TANC2: variants seen among roughly 807,000 people sequenced by gnomAD.
TANC2 encodes tetratricopeptide repeat, ankyrin repeat and coiled-coil containing 2.
TANC2 carries 26 observed loss-of-function variants against 210.5 expected under a neutral mutation model. The observed-to-expected ratio is 0.12, with a 90% confidence interval of 0.09 to 0.17. The LOEUF is 0.17. TANC2 is among the 10% of genes least tolerant of loss of function. TANC2 has a pLI of 1.00. For missense variants in TANC2, 2,129 were observed against 2,608.9 expected, an observed-to-expected ratio of 0.82 and a Z score of 4.01; for synonymous variants, 931 against 967.1, an observed-to-expected ratio of 0.96 and a Z score of 0.69.
chr17:63,032,868 C>T (rs993773100), intron 2 of TANC2, among the ~76,000 whole-genome samples: 2 of 152,226 alleles, frequency 1.3e-5, no homozygotes, highest in South Asian at 2.1e-4. Flanking sequence ...TCCCACAAGA[C>T]GCCCCCCACT....
At chr17:63,130,308 C>A (rs1007036207) in intron 4 of TANC2, among the ~76,000 whole-genome samples, 1 of 151,910 alleles carries the variant, frequency 6.6e-6, no homozygotes, top group Non-Finnish European at 1.5e-5. Context: ...CAGGAGTTGA[C>A]CAAGACCAGC....
At chr17:63,282,612 G>A (rs2044093322) in intron 9 of TANC2, among the ~76,000 whole-genome samples, 2 of 152,072 alleles carry the variant, frequency 1.3e-5, no homozygotes, top group East Asian at 1.9e-4. Context: ...ACTGCAAAAT[G>A]ATATTCAAAG....
intron 7 of TANC2, among the ~76,000 whole-genome samples, chr17:63,210,401 C>A (rs2145864707): frequency 6.6e-6 from 1 of 152,320 alleles, no homozygotes; most frequent in East Asian, 1.9e-4. Flanking sequence ...ATTATCCCTC[C>A]CTTCTCTGGA....
intron 3 of TANC2, among the ~76,000 whole-genome samples, chr17:63,094,015 G>T (rs1197445458): frequency 6.6e-6 from 1 of 152,056 alleles, no homozygotes. Context: ...TATGTTTTTA[G>T]TAGTGTTATT....
At chr17:63,004,229 G>A (rs28654426) in intron 1 of TANC2, among the ~76,000 whole-genome samples, 1,884 of 152,240 alleles carry the variant, frequency 0.012, 33 homozygotes, top group African/African-American at 0.043. Context: ...TTTGAGGGGC[G>A]CCATCTCAGT....
At chr17:63,161,037 T>C (rs2040008397) in intron 5 of TANC2, among the ~76,000 whole-genome samples, 1 of 152,230 alleles carries the variant, frequency 6.6e-6, no homozygotes, top group Non-Finnish European at 1.5e-5. Context: ...GTGGTAAGGC[T>C]TGCCAAACGA....
intron 2 of TANC2, among the ~76,000 whole-genome samples, chr17:63,020,513 C>G (rs904852150): frequency 3.9e-5 from 6 of 152,082 alleles, no homozygotes; most frequent in African/African-American, 1.2e-4. Flanking sequence ...TGATGTTGCC[C>G]AGGCAGAAGT....
intron 11 of TANC2, chr17:63,338,902 A>T (rs1431187603): frequency 6.6e-6 from 1 of 152,238 alleles, no homozygotes; most frequent in Non-Finnish European, 1.5e-5. Context: ...TAGGATGACC[A>T]TACCAGTAGA....
intron 2 of TANC2, among the ~76,000 whole-genome samples, chr17:63,049,097 G>A (rs890935197): frequency 1.4e-4 from 21 of 152,046 alleles, no homozygotes; most frequent in African/African-American, 4.3e-4. Context: ...GAATTCTGAG[G>A]CATCCAGAAT....
chr17:63,314,275 G>C, intron 9 of TANC2, 113 bp from the exon 10 acceptor site: 1 of 1,164,598 alleles, frequency 8.6e-7, no homozygotes, highest in Admixed American at 2.3e-5. Flanking sequence ...AATAAGCCTA[G>C]GATGCCATCA....
At chr17:63,201,334 C>T (rs1225189066) in intron 7 of TANC2, among the ~76,000 whole-genome samples, 4 of 152,060 alleles carry the variant, frequency 2.6e-5, no homozygotes, top group Non-Finnish European at 2.9e-5. Flanking sequence ...GATTAAGTGG[C>T]GAAAGAGTTA....
chr17:63,033,511 C>T (rs2034855224), intron 2 of TANC2, among the ~76,000 whole-genome samples: 1 of 152,098 alleles, frequency 6.6e-6, no homozygotes. Context: ...CCTTATCATC[C>T]CAACACTATA....
At chr17:63,106,057 C>A (rs573368346) in intron 4 of TANC2, among the ~76,000 whole-genome samples, 2 of 151,394 alleles carry the variant, frequency 1.3e-5, no homozygotes, top group Non-Finnish European at 2.9e-5. Context: ...GGTACTGTTT[C>A]TAATTTGGTT....
chr17:63,050,602 G>A (rs1168129429), intron 2 of TANC2, among the ~76,000 whole-genome samples: 2 of 152,206 alleles, frequency 1.3e-5, no homozygotes, highest in South Asian at 2.1e-4. Context: ...AATAAGCCAA[G>A]GAGACAGAAG....
At chr17:63,129,776 A>ATTACTATACAGT (rs1188751960) in intron 4 of TANC2, among the ~76,000 whole-genome samples, 1 of 152,132 alleles carries the variant, frequency 6.6e-6, no homozygotes, top group African/African-American at 2.4e-5. Context: ...GTAATCTTAT[A>ATTACTATACAGT]TATCTATACA....
intron 14 of TANC2, among the ~76,000 whole-genome samples, chr17:63,367,690 A>G (rs769120518): frequency 6.6e-6 from 1 of 152,212 alleles, no homozygotes; most frequent in Non-Finnish European, 1.5e-5. Context: ...GTAGGCAGAA[A>G]GGAAAAGGTA....
intron 1 of TANC2, among the ~76,000 whole-genome samples, chr17:62,983,282 TTTGAATTCGTTTGAATTCGTTTA>T (rs2143455426): frequency 6.6e-6 from 1 of 152,248 alleles, no homozygotes; most frequent in South Asian, 2.1e-4. Flanking sequence ...CTGATATTTG[TTTGAATTCGTTTGAATTCGTTTA>T]TTGAATTCGT....
At chr17:63,020,257 A>G (rs796714733) in intron 2 of TANC2, among the ~76,000 whole-genome samples, 23 of 152,252 alleles carry the variant, frequency 1.5e-4, no homozygotes, top group African/African-American at 5.1e-4. Flanking sequence ...AGGGCTTTTT[A>G]TAAAGCAAAA....
At chr17:63,234,906 G>T (rs1343673121) in intron 7 of TANC2, among the ~76,000 whole-genome samples, 2 of 152,122 alleles carry the variant, frequency 1.3e-5, no homozygotes, top group Admixed American at 6.5e-5. Context: ...AGAGTGTTCT[G>T]TTGATAATTG....
Sources: gnomAD v4.1 joint callset for allele counts (sites outside exome capture counted in the v4.1 genomes callset) on GRCh38, gnomAD v4.1.1 for gene constraint, MANE v1.5 for transcripts, NCBI Gene and HGNC (gene_info 2026-07-23, HGNC 2026-07-21) for gene names.